The following LGALS9B variants were observed in gnomAD, a reference collection of about 807,000 sequenced individuals.
LGALS9B encodes galectin 9B.
LGALS9B carries 8 observed loss-of-function variants against 35.9 expected under a neutral mutation model. The ratio of observed to expected loss-of-function variants is 0.22; its 90% CI spans 0.13 to 0.40. The LOEUF is 0.40. LGALS9B is among the 10% of genes least tolerant of loss of function. LGALS9B has a pLI of 1.00. For synonymous variants in LGALS9B, 42 were observed against 148.6 expected (o/e 0.28, Z 5.22); for missense variants, 101 against 397.9 (o/e 0.25, Z 6.35).
At chr17:20,465,901 A>G (rs1011624691) in intron 1 of LGALS9B, among the ~76,000 whole-genome samples, 1 of 150,020 alleles carries the variant, frequency 6.7e-6, no homozygotes, top group Non-Finnish European at 1.5e-5. Flanking sequence ...CCCGTAGGGT[A>G]GAGGGGAGCT....
chr17:20,456,168 C>A (rs2142415854), intron 4 of LGALS9B, among the ~76,000 whole-genome samples: 1 of 152,292 alleles, frequency 6.6e-6, no homozygotes, highest in East Asian at 1.9e-4. Context: ...CATGCTCATT[C>A]TACAGATGAC....
chr17:20,451,123 G>A (rs2042645006), intron 10 of LGALS9B, among the ~76,000 whole-genome samples: 3 of 151,366 alleles, frequency 2.0e-5, no homozygotes, highest in African/African-American at 7.3e-5. Context: ...CTCCCAGCAC[G>A]TGGAGTGCTT....
At chr17:20,460,321 G>C (rs1220549942) in intron 2 of LGALS9B, 31 bp downstream of exon 2, 3 of 1,609,792 alleles carry the variant, frequency 1.9e-6, no homozygotes, top group Non-Finnish European at 2.5e-6. Context: ...GACGAGGCTG[G>C]AGTGAAACGT....
chr17:20,464,085 T>C (rs1209231181), intron 1 of LGALS9B, among the ~76,000 whole-genome samples: 2 of 124,668 alleles, frequency 1.6e-5, no homozygotes, highest in Non-Finnish European at 3.3e-5. Context: ...TGTTTGTTTG[T>C]TTGTTGTGTT....
At chr17:20,466,492 C>A (rs2042763810) in intron 1 of LGALS9B, among the ~76,000 whole-genome samples, 1 of 144,242 alleles carries the variant, frequency 6.9e-6, no homozygotes, top group Admixed American at 6.9e-5. Context: ...GCCCATCAGC[C>A]CACCCACTCC....
intron 9 of LGALS9B, 64 bp from the exon 10 acceptor site, chr17:20,451,707 A>G (rs1337743389): frequency 7.2e-7 from 1 of 1,379,568 alleles, no homozygotes; most frequent in Non-Finnish European, 1.0e-6. Flanking sequence ...CCTCCCCATC[A>G]TCGCCAGCCT....
intron 1 of LGALS9B, among the ~76,000 whole-genome samples, chr17:20,461,101 C>T (rs1297415306): frequency 3.7e-5 from 5 of 134,640 alleles, no homozygotes; most frequent in African/African-American, 1.3e-4. Context: ...CCCACCCATC[C>T]CAGGCCCCGT....
intron 8 of LGALS9B, 135 bp from the exon 9 acceptor site, chr17:20,452,018 T>C (rs1195647143): frequency 4.2e-5 from 58 of 1,382,480 alleles, no homozygotes; most frequent in Non-Finnish European, 5.4e-5. Flanking sequence ...CTTGGTTCCA[T>C]AAAAGCCAAA....
Position 20,455,474 on chromosome 17 carries a change from G to A in LGALS9B, c.445-76C>T, listed in dbSNP as rs558353408. ...AGGAGAAGCCGAAAGGCAGATGCAG[G>A]GGCAGGAGGCAGAGAACAGGCAGGC... On this transcript the variant is annotated intron_variant, in intron 4 of 10. Coordinates refer to ENST00000423676, the MANE Select transcript of LGALS9B (RefSeq NM_001367292.2). The A allele has an allele frequency of 5.4e-4, 588 of 1,096,036 alleles. 46 individuals are homozygous for A. The African/African-American group carries it at 8.1e-3, about 15-fold the overall frequency. 67.9% of individuals were successfully genotyped at this position (1,096,036 alleles called of 1,614,324 possible). A position where few individuals can be genotyped will look rare whatever the true frequency, so the allele number is the denominator to read the frequency against.
Position 20,452,999 on chromosome 17 carries a change from C to G in LGALS9B, c.627+18G>C. The G allele has an allele frequency of 7.2e-7, 1 of 1,394,372 alleles. No homozygotes were observed. The highest frequency in any genetic ancestry group is 1.0e-6 in the Non-Finnish European group (1 of 997,108). The allele number at this position is 1,394,372 out of a possible 1,614,324, so 86.4% of individuals were successfully genotyped here. On this transcript the variant is annotated intron_variant, in intron 7 of 10. Transcript: ENST00000423676. ...GGGCACTGTGCAGCTGTGAACTGAT[C>G]AGAACTTGAAGACTTACAGAGAACA...
chr17:20,464,046 C>G lies in LGALS9B; in HGVS notation c.39+3386G>C, dbSNP rs574956478. 9.4e-5 allele frequency among the ~76,000 whole-genome samples: 14 copies of G among 149,528 alleles called. No homozygotes were observed. The South Asian group carries it at 3.0e-3, about 32-fold the overall frequency. On this transcript the variant is annotated intron_variant, in intron 1 of 10. Transcript: ENST00000423676. ...AAGTCAGAGGTAAGAGATGTGACAA[C>G]AGAAGCAAGAAGCTGGTTTTGGGGG...
chr17:20,452,993 A>G lies in LGALS9B; in HGVS notation c.627+24T>C. 39 of 1,389,304 alleles carry G rather than the reference A, an allele frequency of 2.8e-5. 14 individuals are homozygous for G. The highest frequency in any genetic ancestry group is 3.9e-5 in the Non-Finnish European group (39 of 993,570). 86.1% of individuals were successfully genotyped at this position (1,389,304 alleles called of 1,614,324 possible). On this transcript the variant is annotated intron_variant, in intron 7 of 10. Transcript: ENST00000423676. ...GAAGGAGGGCACTGTGCAGCTGTGA[A>G]CTGATCAGAACTTGAAGACTTACAG...
intron 1 of LGALS9B, among the ~76,000 whole-genome samples, chr17:20,464,093 GT>G (rs59320210): frequency 0.022 from 2,015 of 89,848 alleles, 119 homozygotes; most frequent in African/African-American, 0.096. Context: ...TGTTTGTTGT[GT>G]TTTTTTTTTT....
chr17:20,466,522 T>C (rs2042763993), intron 1 of LGALS9B, among the ~76,000 whole-genome samples: 1 of 143,982 alleles, frequency 6.9e-6, no homozygotes, highest in Non-Finnish European at 1.5e-5. Context: ...GGAAGCTCTT[T>C]GCCAAGGCAG....
At chr17:20,454,486 A>G (rs928743773) in intron 5 of LGALS9B, among the ~76,000 whole-genome samples, 3 of 152,112 alleles carry the variant, frequency 2.0e-5, no homozygotes, top group African/African-American at 4.8e-5. Flanking sequence ...CACTGTGCAA[A>G]TGAACGACCC....
At chr17:20,465,830 G>A (rs1487898802) in intron 1 of LGALS9B, among the ~76,000 whole-genome samples, 6 of 148,632 alleles carry the variant, frequency 4.0e-5, no homozygotes, top group African/African-American at 1.5e-4. Context: ...TGGAGAAAGC[G>A]TGGCTCCGAC....
At chr17:20,456,120 A>G (rs978518000) in intron 4 of LGALS9B, among the ~76,000 whole-genome samples, 4 of 151,970 alleles carry the variant, frequency 2.6e-5, no homozygotes, top group Non-Finnish European at 4.4e-5. Flanking sequence ...TGTCTCCTCA[A>G]TGAATCACAC....
At chr17:20,465,012 G>A (rs1291702232) in intron 1 of LGALS9B, among the ~76,000 whole-genome samples, 5 of 152,224 alleles carry the variant, frequency 3.3e-5, no homozygotes, top group Non-Finnish European at 1.5e-5. Flanking sequence ...GCAGCTCTTT[G>A]CATGGAACAA....
chr17:20,455,554 A>G (rs1292281469), intron 4 of LGALS9B, among the ~76,000 whole-genome samples, 156 bp from the exon 5 acceptor site: 1 of 129,238 alleles, frequency 7.7e-6, no homozygotes, highest in Non-Finnish European at 1.8e-5. Context: ...GGAAAGGGCC[A>G]GGCTTCGGTG....
Sources: gnomAD v4.1 joint callset for allele counts (sites outside exome capture counted in the v4.1 genomes callset) on GRCh38, gnomAD v4.1.1 for gene constraint, MANE v1.5 for transcripts, NCBI Gene and HGNC (gene_info 2026-07-23, HGNC 2026-07-21) for gene names.